CTNNBL1: variants seen among roughly 807,000 people sequenced by gnomAD.
CTNNBL1 encodes beta-catenin-like protein 1.
In CTNNBL1, 31 loss-of-function variants were observed where a neutral mutation model predicts 72.7. That is an observed-to-expected ratio of 0.43 (90% CI 0.32 to 0.58). The LOEUF (loss-of-function observed/expected upper bound fraction) is 0.58, where lower values mean the gene tolerates loss of function less well. Among genes scored for constraint, CTNNBL1 ranks in the 20% least tolerant of loss-of-function variants. CTNNBL1 has a pLI of 0.08. For missense variants in CTNNBL1, 534 were observed against 725.1 expected (o/e 0.74, Z 3.03); for synonymous variants, 240 against 267.3 (o/e 0.90, Z 1.00).
At chr20:37,839,940 C>A (rs1339864847) in intron 11 of CTNNBL1, among the ~76,000 whole-genome samples, 162 bp from the exon 12 acceptor site, 1 of 152,090 alleles carries the variant, frequency 6.6e-6, no homozygotes, top group South Asian at 2.1e-4. Context: ...AAGATTGGTT[C>A]GGTTTTTTAG....
At chr20:37,814,842 T>G (rs1458891525) in intron 11 of CTNNBL1, among the ~76,000 whole-genome samples, 2 of 152,220 alleles carry the variant, frequency 1.3e-5, no homozygotes, top group African/African-American at 4.8e-5. Flanking sequence ...CCCTTTTACT[T>G]TCTCTCTGTG....
At chr20:37,824,139 G>A (rs149162629) in intron 11 of CTNNBL1, among the ~76,000 whole-genome samples, 97 of 152,356 alleles carry the variant, frequency 6.4e-4, no homozygotes, top group South Asian at 1.7e-3. Context: ...AACCAGCTGC[G>A]CTGACGTATA....
chr20:37,801,937 T>C (rs1458395121), intron 10 of CTNNBL1, among the ~76,000 whole-genome samples: 1 of 152,248 alleles, frequency 6.6e-6, no homozygotes, highest in Non-Finnish European at 1.5e-5. Flanking sequence ...ACATAGTTTA[T>C]ATAGAAAATC....
Position 37,849,279 on chromosome 20 carries a change from A to G in CTNNBL1, c.1392+6860A>G, listed in dbSNP as rs138042316. ...ATTTTTCTAAAATGTAAATTCATGTATGCACTTCTCCACCCAAACACAGTA... is the reference window on the plus strand; with the variant it reads ...ATTTTTCTAAAATGTAAATTCATGTGTGCACTTCTCCACCCAAACACAGTA... On this transcript the variant is annotated intron_variant, in intron 13 of 15. Transcript: ENST00000361383. Among the ~76,000 whole-genome samples the G allele has an allele frequency of 8.4e-4, 128 of 152,290 alleles. 1 individual carries two copies. In the East Asian group the frequency reaches 0.022, roughly 27 times the overall value.
chr20:37,785,407 T>C (rs1411345699), intron 10 of CTNNBL1, among the ~76,000 whole-genome samples: 2 of 152,244 alleles, frequency 1.3e-5, no homozygotes, highest in Non-Finnish European at 2.9e-5. Flanking sequence ...TGATTTGCCC[T>C]TTTGAGGCTA....
intron 11 of CTNNBL1, among the ~76,000 whole-genome samples, chr20:37,820,832 G>A (rs927858488): frequency 6.6e-5 from 10 of 152,174 alleles, no homozygotes; most frequent in Admixed American, 5.2e-4. Flanking sequence ...CTTTATAGTA[G>A]CGTGAATGTG....
chr20:37,703,739 T>A (rs1216258343), intron 1 of CTNNBL1, among the ~76,000 whole-genome samples: 1 of 152,158 alleles, frequency 6.6e-6, no homozygotes, highest in East Asian at 1.9e-4. Flanking sequence ...CTTGGAACTA[T>A]TTCTCAAAGA....
chr20:37,705,531 T>C (rs2072878069), intron 1 of CTNNBL1, among the ~76,000 whole-genome samples: 1 of 152,138 alleles, frequency 6.6e-6, no homozygotes, highest in South Asian at 2.1e-4. Flanking sequence ...CCTTGGAGAT[T>C]AAGGTTCAGA....
intron 5 of CTNNBL1, among the ~76,000 whole-genome samples, chr20:37,758,456 G>A (rs895152313): frequency 6.6e-6 from 1 of 152,216 alleles, no homozygotes; most frequent in African/African-American, 2.4e-5. Flanking sequence ...GAAGCCTCCC[G>A]CTGGGTCGCT....
chr20:37,773,628 C>T (rs1362268287), intron 7 of CTNNBL1, among the ~76,000 whole-genome samples: 1 of 152,188 alleles, frequency 6.6e-6, no homozygotes, highest in Admixed American at 6.5e-5. Context: ...TGGTATTGTG[C>T]AATCTCTGGC....
At chr20:37,783,900 A>T (rs1357139702) in intron 10 of CTNNBL1, among the ~76,000 whole-genome samples, 1 of 152,088 alleles carries the variant, frequency 6.6e-6, no homozygotes, top group African/African-American at 2.4e-5. Context: ...ATGAAGTTTG[A>T]TGTTTGTTGA....
chr20:37,748,087 A>C (rs2073284119), intron 4 of CTNNBL1, among the ~76,000 whole-genome samples: 1 of 152,222 alleles, frequency 6.6e-6, no homozygotes, highest in African/African-American at 2.4e-5. Context: ...GTTTGAATCC[A>C]GATTTCCAAA....
chr20:37,765,503 A>G (rs1754071322), intron 6 of CTNNBL1, among the ~76,000 whole-genome samples: 1 of 152,256 alleles, frequency 6.6e-6, no homozygotes, highest in South Asian at 2.1e-4. Flanking sequence ...GCAGAAATCC[A>G]CTAAGTAGGT....
chr20:37,819,046 T>C (rs2072083640), intron 11 of CTNNBL1, among the ~76,000 whole-genome samples: 1 of 152,252 alleles, frequency 6.6e-6, no homozygotes, highest in Admixed American at 6.5e-5. Context: ...TCATTTCCAA[T>C]ACTGCAGGTA....
chr20:37,867,865 G>C (rs971797914), intron 15 of CTNNBL1, among the ~76,000 whole-genome samples: 1 of 152,152 alleles, frequency 6.6e-6, no homozygotes, highest in African/African-American at 2.4e-5. Context: ...TAGAAACAAA[G>C]AATGAGCAAG....
At chr20:37,767,850 A>G in intron 6 of CTNNBL1, 103 bp from the exon 7 acceptor site, 2 of 862,884 alleles carry the variant, frequency 2.3e-6, no homozygotes, top group Non-Finnish European at 3.9e-6. Context: ...GGAGTAATGC[A>G]GGGAAGTGGG....
In CTNNBL1 at chr20:37,859,995, T is replaced by G; in HGVS notation, c.1489T>G (p.Cys497Gly). 1 of 1,614,034 alleles carries G rather than the reference T, an allele frequency of 6.2e-7. No homozygotes were observed. Among genetic ancestry groups the G allele is most frequent in the Non-Finnish European group, 8.5e-7 (1 of 1,180,002 alleles). The part of the protein sequence containing the change: ...DAGLFVLQHI[C>G]YIMAEICNAN... ...GGGGCTCTTTGTTCTCCAGCACATC[T>G]GCTACATCATGGCCGAGATCTGCAA... The change falls in exon 14 of 16, where the codon TGC becomes GGC. Residue 497 changes from cysteine to glycine, a missense_variant. Cys to Gly is a radical substitution (Grantham distance 159, BLOSUM62 -3). Coordinates refer to ENST00000361383, the MANE Select transcript of CTNNBL1 (RefSeq NM_030877.5).
At chr20:37,830,761 A>G (rs1463623143) in intron 11 of CTNNBL1, among the ~76,000 whole-genome samples, 2 of 152,214 alleles carry the variant, frequency 1.3e-5, no homozygotes, top group Non-Finnish European at 2.9e-5. Context: ...AAACATGCAC[A>G]GAACCCTTAC....
chr20:37,758,396 TG>T (rs1216648288), intron 5 of CTNNBL1, among the ~76,000 whole-genome samples: 2 of 152,306 alleles, frequency 1.3e-5, no homozygotes, highest in East Asian at 3.9e-4. Flanking sequence ...TGTGACCAGG[TG>T]CCAGCTAGGC....
Sources: allele counts gnomAD v4.1 joint callset (sites outside exome capture counted in the v4.1 genomes callset), GRCh38; gene constraint gnomAD v4.1.1; transcripts MANE v1.5; gene names NCBI Gene and HGNC (gene_info 2026-07-23, HGNC 2026-07-21).